Variants in FRAS1 observed in about 807,000 individuals in gnomAD.
FRAS1 encodes the protein Fraser extracellular matrix complex subunit 1.
In FRAS1, 290 loss-of-function variants were observed where a neutral mutation model predicts 435.2. The ratio of observed to expected loss-of-function variants is 0.67; its 90% CI spans 0.61 to 0.73. The LOEUF (loss-of-function observed/expected upper bound fraction) is 0.73. Ranked by LOEUF, FRAS1 falls within the 30% of genes least tolerant of loss-of-function variation. FRAS1 has a pLI of 0.00. For missense variants in FRAS1, 4,860 were observed against 5,001.5 expected, an observed-to-expected ratio of 0.97 and a Z score of 0.85; for synonymous variants, 1,800 against 1,851.0, an observed-to-expected ratio of 0.97 and a Z score of 0.71.
At position 78,181,869 on chromosome 4, in the gene FRAS1, G is replaced by A. The variant is rs561691658; in HGVS notation, c.109-55641G>A. Reference sequence around the variant, plus strand: ...TTGCCTGCCGCGTTGGAGTTGGTCTGGGCCGCCGCCTGAGCTGCGCTCTTG... The same window carrying A: ...TTGCCTGCCGCGTTGGAGTTGGTCTAGGCCGCCGCCTGAGCTGCGCTCTTG... On this transcript the variant is annotated intron_variant, in intron 2 of 73. Transcript: ENST00000512123. The A allele has an allele frequency of 5.5e-5, 88 of 1,611,932 alleles. 1 individual carries two copies. The South Asian group carries it at 8.0e-4, about 15-fold the overall frequency.
intron 20 of FRAS1, among the ~76,000 whole-genome samples, chr4:78,339,986 G>A (rs1303438964): frequency 1.3e-5 from 2 of 152,064 alleles, no homozygotes; most frequent in Non-Finnish European, 2.9e-5. Context: ...CTCTGAATGT[G>A]GGCCCTAAAA....
intron 23 of FRAS1, among the ~76,000 whole-genome samples, 153 bp from the exon 24 acceptor site, chr4:78,372,565 C>T (rs1433570455): frequency 2.0e-5 from 3 of 152,202 alleles, no homozygotes; most frequent in Non-Finnish European, 4.4e-5. Context: ...CAGGCTACTA[C>T]AAGTGGAAAC....
chr4:78,143,793 A>G (rs1720294466), intron 2 of FRAS1, among the ~76,000 whole-genome samples: 2 of 151,316 alleles, frequency 1.3e-5, no homozygotes, highest in South Asian at 4.2e-4. Context: ...GGTCCCAGCT[A>G]CTTGGGAGGC....
intron 14 of FRAS1, among the ~76,000 whole-genome samples, 177 bp from the exon 15 acceptor site, chr4:78,307,889 C>T (rs556092759): frequency 2.0e-5 from 3 of 152,154 alleles, no homozygotes; most frequent in Admixed American, 6.5e-5. Context: ...CCCCTAGAAA[C>T]GGTTTCTTGA....
At chr4:78,267,665 A>G (rs930896890) in intron 9 of FRAS1, among the ~76,000 whole-genome samples, 12 of 152,214 alleles carry the variant, frequency 7.9e-5, no homozygotes, top group African/African-American at 2.9e-4. Flanking sequence ...CATCTGGTCA[A>G]ATTGGAAGCC....
chr4:78,394,470 T>C (rs1011653431), intron 29 of FRAS1, among the ~76,000 whole-genome samples: 4 of 152,018 alleles, frequency 2.6e-5, no homozygotes, highest in East Asian at 1.9e-4. Context: ...TTTTCTCCTT[T>C]CCTTATTTTA....
At chr4:78,445,075 A>G (rs1392535949) in intron 41 of FRAS1, among the ~76,000 whole-genome samples, 2 of 152,232 alleles carry the variant, frequency 1.3e-5, no homozygotes, top group African/African-American at 4.8e-5. Context: ...TGCATTTAAC[A>G]TTTTCTTATG....
chr4:78,356,923 C>T (rs145426053), intron 20 of FRAS1, among the ~76,000 whole-genome samples: 34 of 152,216 alleles, frequency 2.2e-4, no homozygotes, highest in Non-Finnish European at 4.3e-4. Flanking sequence ...TTCCCAATTG[C>T]CTTTACCATA....
intron 2 of FRAS1, among the ~76,000 whole-genome samples, chr4:78,185,128 G>A (rs1213635085): frequency 2.0e-5 from 3 of 152,200 alleles, no homozygotes; most frequent in Non-Finnish European, 4.4e-5. Flanking sequence ...GTGTTGATGA[G>A]ACCAGTACTT....
chr4:78,163,754 T>C (rs76570754), intron 2 of FRAS1, among the ~76,000 whole-genome samples: 3,718 of 152,328 alleles, frequency 0.024, 64 homozygotes, highest in South Asian at 0.047. Context: ...ACTTCCTTCA[T>C]AGCTCCAGTG....
intron 20 of FRAS1, among the ~76,000 whole-genome samples, chr4:78,339,496 G>A (rs1397516386): frequency 6.6e-6 from 1 of 152,198 alleles, no homozygotes; most frequent in African/African-American, 2.4e-5. Context: ...GTAGGGAGAA[G>A]TAACAAGATA....
chr4:78,156,332 T>TA (rs2110017905), intron 2 of FRAS1, among the ~76,000 whole-genome samples: 1 of 152,310 alleles, frequency 6.6e-6, no homozygotes, highest in African/African-American at 2.4e-5. Flanking sequence ...TTTTTTTTTT[T>TA]TTTTAGATCT....
At chr4:78,178,968 G>A (rs564703030) in intron 2 of FRAS1, among the ~76,000 whole-genome samples, 21 of 152,226 alleles carry the variant, frequency 1.4e-4, no homozygotes, top group Admixed American at 1.1e-3. Flanking sequence ...CGAGGGGAGC[G>A]AAGGGCAGCC....
At chr4:78,401,283 AT>A (rs1423230072) in intron 30 of FRAS1, among the ~76,000 whole-genome samples, 1 of 152,258 alleles carries the variant, frequency 6.6e-6, no homozygotes, top group African/African-American at 2.4e-5. Flanking sequence ...CTTAAAAAAA[AT>A]AACATGAAAA....
rs774114715 is a variant in FRAS1, at chr4:78,475,499, A to C, written c.7744A>C (p.Asn2582His). 2.4e-5 allele frequency: 38 copies of C among 1,613,918 alleles called. 1 individual carries two copies. The highest frequency in any genetic ancestry group is 1.1e-4 in the East Asian group (5 of 44,862). ...SVTVQRTGNL[N>H]QYAIVLCRTE... The stretch of plus-strand genomic sequence containing the variant: ...CACGGTGCAGAGGACTGGGAACCTG[A>C]ACCAATATGCCATCGTCCTGTGTCG... Residue 2582 changes from asparagine to histidine, a missense_variant, in exon 54 of 74, where the codon AAC becomes CAC. Coordinates refer to ENST00000512123, the MANE Select transcript of FRAS1 (RefSeq NM_025074.7).
At position 78,337,828 on chromosome 4, in the gene FRAS1, C is replaced by T; in HGVS notation, c.2422+11C>T. On this transcript the variant is annotated intron_variant, in intron 20 of 73. Transcript: ENST00000512123. ...TGGGATACTGTGCTGGTGAGTGAAACTCCTGTGGACTCCTCGGAAATCACT... is the reference window on the plus strand; with the variant it reads ...TGGGATACTGTGCTGGTGAGTGAAATTCCTGTGGACTCCTCGGAAATCACT... 6.2e-7 allele frequency: 1 copy of T among 1,613,754 alleles called. No individual in the cohort carries two copies. Among genetic ancestry groups the T allele is most frequent in the Non-Finnish European group, 8.5e-7 (1 of 1,179,730 alleles).
At chr4:78,409,118 C>G (rs374039008) in intron 31 of FRAS1, among the ~76,000 whole-genome samples, 1 of 94,358 alleles carries the variant, frequency 1.1e-5, no homozygotes, top group African/African-American at 4.0e-5. Context: ...GACCCTCTCT[C>G]AAAAAAAAAA....
intron 3 of FRAS1, among the ~76,000 whole-genome samples, chr4:78,238,819 A>G (rs139575248): frequency 1.3e-5 from 2 of 152,340 alleles, no homozygotes; most frequent in Non-Finnish European, 2.9e-5. Flanking sequence ...ATGTTAGAAG[A>G]CATAGATTGC....
chr4:78,308,689 A>G (rs1158675057), intron 15 of FRAS1, among the ~76,000 whole-genome samples: 3 of 152,252 alleles, frequency 2.0e-5, no homozygotes, highest in Non-Finnish European at 4.4e-5. Flanking sequence ...ACCCATGGCC[A>G]TAACAATGAG....
Sources: allele counts gnomAD v4.1 joint callset (sites outside exome capture counted in the v4.1 genomes callset), GRCh38; gene constraint gnomAD v4.1.1; transcripts MANE v1.5; gene names NCBI Gene and HGNC (gene_info 2026-07-23, HGNC 2026-07-21).